Variants in FOXP1 observed in about 807,000 individuals in gnomAD.
FOXP1 encodes the protein forkhead box P1, also known as forkhead box protein P1.
In FOXP1, 15 loss-of-function variants were observed where a neutral mutation model predicts 98.2. That is an observed-to-expected ratio of 0.15 (90% CI 0.10 to 0.24). FOXP1 has a LOEUF of 0.24. Among genes scored for constraint, FOXP1 ranks in the 10% least tolerant of loss-of-function variants. FOXP1 has a pLI of 1.00. For synonymous variants in FOXP1, 371 were observed against 314.5 expected, an observed-to-expected ratio of 1.18 and a Z score of -1.90; for missense variants, 633 against 848.5, an observed-to-expected ratio of 0.75 and a Z score of 3.15.
chr3:71,240,644 G>A (rs1024621639), intron 5 of FOXP1, among the ~76,000 whole-genome samples: 19 of 152,062 alleles, frequency 1.2e-4, no homozygotes, highest in African/African-American at 4.1e-4. Context: ...CGGGGTTCAC[G>A]CCATTCTCCT....
intron 2 of FOXP1, among the ~76,000 whole-genome samples, chr3:71,548,184 C>T (rs997005907): frequency 1.3e-5 from 2 of 152,168 alleles, no homozygotes; most frequent in African/African-American, 4.8e-5. Flanking sequence ...TTATTGTAAA[C>T]CACTGATCAT....
At chr3:71,221,846 C>G (rs766206458) in intron 5 of FOXP1, among the ~76,000 whole-genome samples, 13 of 152,212 alleles carry the variant, frequency 8.5e-5, no homozygotes, top group Non-Finnish European at 1.5e-4. Context: ...TTCCTCAACT[C>G]TGAAGCCAAT....
intron 11 of FOXP1, among the ~76,000 whole-genome samples, chr3:71,015,890 A>T (rs1488846349): frequency 6.6e-6 from 1 of 152,226 alleles, no homozygotes; most frequent in Non-Finnish European, 1.5e-5. Flanking sequence ...TATGTATGAA[A>T]AAGTGTTTGA....
At chr3:71,106,622 C>T (rs1421253196) in intron 7 of FOXP1, among the ~76,000 whole-genome samples, 4 of 149,120 alleles carry the variant, frequency 2.7e-5, no homozygotes, top group Non-Finnish European at 5.9e-5. Context: ...TTGCACCCGG[C>T]CACTTTTTTT....
At chr3:71,413,001 A>C (rs534822917) in intron 3 of FOXP1, among the ~76,000 whole-genome samples, 3 of 152,254 alleles carry the variant, frequency 2.0e-5, no homozygotes, top group East Asian at 3.9e-4. Flanking sequence ...TCTGATGTAC[A>C]GGAATGACTG....
chr3:71,212,608 C>T lies in FOXP1; in HGVS notation c.-11-14216G>A, dbSNP rs1344681393. On this transcript the variant is annotated intron_variant, in intron 5 of 20. Coordinates refer to ENST00000649528, the MANE Select transcript of FOXP1 (RefSeq NM_001349338.3). ...TGTGCATCAGCCACTTAAGTCATGC[C>T]GCCTTTCCACAATACAAGTTCAGAG... is the stretch of plus-strand genomic sequence containing the variant. 8.5e-5 allele frequency among the ~76,000 whole-genome samples: 13 copies of T among 152,258 alleles called. No homozygotes were observed. In the East Asian group the frequency reaches 1.7e-3, roughly 20 times the overall value.
At chr3:71,516,760 C>T (rs1219614990) in intron 2 of FOXP1, among the ~76,000 whole-genome samples, 1 of 152,058 alleles carries the variant, frequency 6.6e-6, no homozygotes, top group South Asian at 2.1e-4. Flanking sequence ...GCAGGAGAAT[C>T]GCTTGAACTC....
At chr3:71,148,254 G>A (rs2060408983) in intron 6 of FOXP1, among the ~76,000 whole-genome samples, 3 of 152,134 alleles carry the variant, frequency 2.0e-5, no homozygotes, top group Non-Finnish European at 4.4e-5. Flanking sequence ...ACAGGCACCT[G>A]TAATCCCAGA....
chr3:71,331,384 C>T lies in FOXP1; in HGVS notation c.-73+27766G>A, dbSNP rs193098137. On this transcript the variant is annotated intron_variant, in intron 4 of 20. Coordinates refer to ENST00000649528, the MANE Select transcript of FOXP1 (RefSeq NM_001349338.3). ...CTGAGCCTCCCCCCTCCCCACCCCC[C>T]GCCATGGGCTCCTGCGCAGCCCAAG... Among the ~76,000 whole-genome samples, 693 of 152,144 alleles carry T rather than the reference C, an allele frequency of 4.6e-3. 4 individuals carry two copies. The highest frequency in any genetic ancestry group is 0.016 in the African/African-American group (656 of 41,510).
intron 7 of FOXP1, among the ~76,000 whole-genome samples, chr3:71,092,532 T>C (rs534602688): frequency 6.6e-6 from 1 of 152,258 alleles, no homozygotes; most frequent in African/African-American, 2.4e-5. Flanking sequence ...GGCTGGTCTG[T>C]GGAACCGAAG....
intron 6 of FOXP1, among the ~76,000 whole-genome samples, chr3:71,177,027 C>A (rs981260584): frequency 6.6e-6 from 1 of 151,562 alleles, no homozygotes; most frequent in Non-Finnish European, 1.5e-5. Flanking sequence ...CGTGCCACTG[C>A]ACTCCAGCCT....
chr3:71,124,895 A>C (rs2059049917), intron 6 of FOXP1, among the ~76,000 whole-genome samples: 1 of 152,232 alleles, frequency 6.6e-6, no homozygotes, highest in Admixed American at 6.5e-5. Context: ...CTTTACAGAA[A>C]CACTAAGAAA....
At chr3:71,456,252 AAG>A (rs369688276) in intron 3 of FOXP1, among the ~76,000 whole-genome samples, 1 of 151,740 alleles carries the variant, frequency 6.6e-6, no homozygotes, top group Non-Finnish European at 1.5e-5. Flanking sequence ...ACAACAGAGA[AAG>A]AGAGAGAGAG....
At chr3:71,107,319 T>A (rs1381226723) in intron 7 of FOXP1, among the ~76,000 whole-genome samples, 1 of 152,216 alleles carries the variant, frequency 6.6e-6, no homozygotes, top group Non-Finnish European at 1.5e-5. Context: ...TTGAAGTTCA[T>A]GAAATCCCTA....
intron 4 of FOXP1, among the ~76,000 whole-genome samples, chr3:71,311,495 A>T (rs2074678883): frequency 6.6e-6 from 1 of 152,230 alleles, no homozygotes; most frequent in Non-Finnish European, 1.5e-5. Flanking sequence ...GAACAAAAAC[A>T]TTCCTGTATC....
At chr3:71,323,807 G>A (rs938940870) in intron 4 of FOXP1, among the ~76,000 whole-genome samples, 1 of 152,148 alleles carries the variant, frequency 6.6e-6, no homozygotes, top group Non-Finnish European at 1.5e-5. Context: ...TAAACATTTT[G>A]TTCTATTTCC....
rs545932465 is a variant in FOXP1, at chr3:71,547,209, G to A, written c.-298+34340C>T. Among the ~76,000 whole-genome samples, 12 of 152,260 alleles carry A rather than the reference G, an allele frequency of 7.9e-5. No individual in the cohort carries two copies. The East Asian group carries it at 1.7e-3, about 22-fold the overall frequency. ...TTAGCATTCTTCTTAGGTAGTTTAGGAAAGGTTACCCTTTCCTCCCCTTCA... is the reference window on the plus strand; with the variant it reads ...TTAGCATTCTTCTTAGGTAGTTTAGAAAAGGTTACCCTTTCCTCCCCTTCA... On this transcript the variant is annotated intron_variant, in intron 2 of 20. Transcript: ENST00000649528.
intron 12 of FOXP1, among the ~76,000 whole-genome samples, chr3:71,004,811 A>T (rs893582835): frequency 6.6e-6 from 1 of 151,994 alleles, no homozygotes; most frequent in Non-Finnish European, 1.5e-5. Flanking sequence ...GCTTTGGAAT[A>T]TTTTCTTTTG....
intron 4 of FOXP1, among the ~76,000 whole-genome samples, chr3:71,314,530 A>AATATAT (rs59655430): frequency 0.015 from 2,149 of 143,360 alleles, 42 homozygotes; most frequent in African/African-American, 0.048. Flanking sequence ...CCGTCTAAAA[A>AATATAT]ATATATATAT....
Sources: gnomAD v4.1 joint callset for allele counts (sites outside exome capture counted in the v4.1 genomes callset) on GRCh38, gnomAD v4.1.1 for gene constraint, MANE v1.5 for transcripts, NCBI Gene and HGNC (gene_info 2026-07-23, HGNC 2026-07-21) for gene names.